NEBL: variants seen among roughly 807,000 people sequenced by gnomAD.
NEBL encodes the protein LIM and SH3 protein 2.
A neutral mutation model predicts 140.2 loss-of-function variants in NEBL; 122 were observed. The observed-to-expected ratio is 0.87, with a 90% confidence interval of 0.75 to 1.01. The LOEUF (loss-of-function observed/expected upper bound fraction) is 1.01. Ranked by LOEUF, NEBL falls within the 50% of genes least tolerant of loss-of-function variation. NEBL has a pLI of 0.00. For missense variants in NEBL, 1,365 were observed against 1,231.3 expected (o/e 1.11, Z -1.62); for synonymous variants, 436 against 398.9 (o/e 1.09, Z -1.11).
chr10:20,996,175 G>A (rs930360285), intron 3 of NEBL, among the ~76,000 whole-genome samples: 4 of 152,102 alleles, frequency 2.6e-5, no homozygotes, highest in African/African-American at 7.2e-5. Flanking sequence ...AAACAAAATC[G>A]GTTAATGTGC....
chr10:21,098,480 G>T (rs1837308709), intron 2 of NEBL, among the ~76,000 whole-genome samples: 1 of 152,124 alleles, frequency 6.6e-6, no homozygotes, highest in Non-Finnish European at 1.5e-5. Context: ...AAATAAAACT[G>T]CATCTTTTCA....
chr10:21,169,057 AAAAAAAAAAAATATAT>A (rs1840931835), intron 2 of NEBL, among the ~76,000 whole-genome samples: 1 of 43,656 alleles, frequency 2.3e-5, no homozygotes, highest in African/African-American at 7.9e-5. Context: ...TACAAAAAAA[AAAAAAAAAAAATATAT>A]ATATATATAT....
At chr10:20,927,533 G>A (rs1482049671) in intron 4 of NEBL, among the ~76,000 whole-genome samples, 1 of 152,180 alleles carries the variant, frequency 6.6e-6, no homozygotes, top group Non-Finnish European at 1.5e-5. Context: ...TCCTCAATTT[G>A]ATCAAAGCAA....
chr10:20,927,963 A>G (rs897063886), intron 4 of NEBL, among the ~76,000 whole-genome samples: 2 of 152,126 alleles, frequency 1.3e-5, no homozygotes, highest in African/African-American at 4.8e-5. Context: ...TAACTTTGCT[A>G]GGAGGTACTT....
At chr10:21,126,237 C>A (rs1564520284) in intron 2 of NEBL, 2 of 1,015,538 alleles carry the variant, frequency 2.0e-6, no homozygotes, top group Non-Finnish European at 2.9e-6. Flanking sequence ...GTTTCAGAAC[C>A]AATCCATCTT....
At chr10:20,818,100 C>T (rs947766490) in intron 20 of NEBL, among the ~76,000 whole-genome samples, 2 of 152,132 alleles carry the variant, frequency 1.3e-5, no homozygotes, top group African/African-American at 4.8e-5. Context: ...TCAATAGAAG[C>T]TAAAGCTCTC....
At chr10:20,828,689 AGAGGGAGG>A in intron 16 of NEBL, 55 bp from the exon 17 acceptor site, 2 of 1,170,864 alleles carry the variant, frequency 1.7e-6, no homozygotes, top group Non-Finnish European at 1.3e-6. Context: ...CGCACATGTG[AGAGGGAGG>A]GAGGGAGGCA....
intron 2 of NEBL, among the ~76,000 whole-genome samples, chr10:21,059,585 T>C (rs773986366): frequency 1.3e-5 from 2 of 152,212 alleles, no homozygotes; most frequent in African/African-American, 4.8e-5. Flanking sequence ...ATTCTCAAAT[T>C]AATTTTAACA....
intron 4 of NEBL, among the ~76,000 whole-genome samples, chr10:20,951,415 T>A (rs1022180642): frequency 5.9e-5 from 9 of 151,662 alleles, no homozygotes; most frequent in Non-Finnish European, 8.8e-5. Flanking sequence ...GAAATGCAAT[T>A]TTTATGACAT....
chr10:21,167,435 G>A (rs976895725), intron 2 of NEBL, among the ~76,000 whole-genome samples: 2 of 152,284 alleles, frequency 1.3e-5, no homozygotes, highest in Non-Finnish European at 2.9e-5. Context: ...ATGTTCAGCC[G>A]AAATAATGTT....
At position 20,869,659 on chromosome 10, in the gene NEBL, C is replaced by A. The variant is rs554733808; in HGVS notation, c.582+81G>T. On this transcript the variant is annotated intron_variant, in intron 6 of 27. Transcript: ENST00000377122. Reference sequence around the variant, plus strand: ...TGATTAGTTACACTAATTAAATGAACCATCCAACCACTGAAGCTATGCTTT... The same window carrying A: ...TGATTAGTTACACTAATTAAATGAAACATCCAACCACTGAAGCTATGCTTT... The A allele has an allele frequency of 2.9e-5, 26 of 896,786 alleles. No homozygotes were observed. In the African/African-American group the frequency reaches 4.2e-4, roughly 15 times the overall value. The allele number at this position is 896,786 out of a possible 1,614,324, so 55.6% of individuals were successfully genotyped here.
At chr10:21,081,795 G>C (rs1836381077) in intron 2 of NEBL, among the ~76,000 whole-genome samples, 1 of 152,150 alleles carries the variant, frequency 6.6e-6, no homozygotes, top group Non-Finnish European at 1.5e-5. Flanking sequence ...GTGTCATAAG[G>C]ACCTGGAAAC....
chr10:21,087,841 C>A (rs758124799), intron 2 of NEBL, among the ~76,000 whole-genome samples: 4 of 152,118 alleles, frequency 2.6e-5, no homozygotes, highest in Non-Finnish European at 5.9e-5. Flanking sequence ...AAATGACTTA[C>A]GTGGAAATTA....
chr10:21,045,498 T>A (rs1834468874), intron 2 of NEBL, among the ~76,000 whole-genome samples: 1 of 151,980 alleles, frequency 6.6e-6, no homozygotes, highest in Admixed American at 6.6e-5. Flanking sequence ...GGTCAAGAAA[T>A]AAAGGGAGAA....
chr10:20,793,221 G>T, intron 26 of NEBL: 1 of 340,598 alleles, frequency 2.9e-6, no homozygotes, highest in Non-Finnish European at 4.2e-6. Context: ...AAAATGAAGT[G>T]CTCTATAATT....
intron 2 of NEBL, among the ~76,000 whole-genome samples, chr10:21,097,256 C>T (rs1231719753): frequency 8.8e-5 from 13 of 147,358 alleles, no homozygotes; most frequent in Non-Finnish European, 1.3e-4. Context: ...GTCAGGGGTT[C>T]GAGACCAGCC....
At position 20,918,740 on chromosome 10, in the gene NEBL, A is replaced by G. The variant is rs918801314; in HGVS notation, c.357+42932T>C. The stretch of plus-strand genomic sequence containing the variant: ...GTGGCGGGCGCCTATAGTCCCAGCT[A>G]CTCGGGAGGCTGAGGCAGAAGAATG... On this transcript the variant is annotated intron_variant, in intron 4 of 6. Transcript: ENST00000417816. 7.3e-5 allele frequency among the ~76,000 whole-genome samples: 11 copies of G among 151,218 alleles called. No individual in the cohort carries two copies. In the East Asian group the frequency reaches 2.2e-3, roughly 30 times the overall value.
chr10:21,031,359 CT>C (rs1288767314), intron 2 of NEBL, among the ~76,000 whole-genome samples: 1 of 152,156 alleles, frequency 6.6e-6, no homozygotes, highest in South Asian at 2.1e-4. Flanking sequence ...GAGGTTTCCC[CT>C]AGCAGAGGGA....
At chr10:21,152,076 T>C (rs1420285377) in intron 2 of NEBL, among the ~76,000 whole-genome samples, 1 of 152,108 alleles carries the variant, frequency 6.6e-6, no homozygotes, top group Non-Finnish European at 1.5e-5. Context: ...CATTACTGAA[T>C]AATAAATGAA....
Sources: gnomAD v4.1 joint callset for allele counts (sites outside exome capture counted in the v4.1 genomes callset) on GRCh38, gnomAD v4.1.1 for gene constraint, MANE v1.5 for transcripts, NCBI Gene and HGNC (gene_info 2026-07-23, HGNC 2026-07-21) for gene names.